Variants in KCTD9 observed in about 807,000 individuals in gnomAD.
KCTD9 encodes BTB/POZ domain-containing protein KCTD9.
Under a neutral mutation model 53.3 loss-of-function variants are expected in KCTD9, and 17 were observed. The observed-to-expected ratio is 0.32, with a 90% CI of 0.22 to 0.48. The LOEUF is 0.48. Among genes scored for constraint, KCTD9 ranks in the 20% least tolerant of loss-of-function variants. KCTD9 has a pLI of 0.99. For missense variants in KCTD9, 179 were observed against 465.5 expected, an observed-to-expected ratio of 0.38 and a Z score of 5.66; for synonymous variants, 128 against 162.7, an observed-to-expected ratio of 0.79 and a Z score of 1.62.
chr8:25,458,057 G>A, intron 1 of KCTD9, 142 bp downstream of exon 1: 1 of 768,906 alleles, frequency 1.3e-6, no homozygotes, highest in Admixed American at 2.5e-5. Context: ...GGGACCCTGT[G>A]CTGTCCCCGA....
At chr8:25,445,579 T>C (rs1362806487) in intron 2 of KCTD9, among the ~76,000 whole-genome samples, 1 of 152,172 alleles carries the variant, frequency 6.6e-6, no homozygotes, top group East Asian at 1.9e-4. Flanking sequence ...CAAAATTCTC[T>C]GACCTCATGA....
rs766690030 is a variant in KCTD9 at position 25,435,353 on chromosome 8, T to C, written c.813+10A>G. The C allele has an allele frequency of 6.4e-7, 1 of 1,553,186 alleles. No homozygotes were observed. Among genetic ancestry groups the C allele is most frequent in the Admixed American group, 2.0e-5 (1 of 50,124 alleles). ...TTTAATTTTCTCTTGTAGCCTAAAA[T>C]GATACTTACGTCAAGCACTGATCCA... On this transcript the variant is annotated intron_variant, in intron 9 of 11. Transcript: ENST00000221200.
intron 1 of KCTD9, 123 bp downstream of exon 1, chr8:25,458,076 A>C: frequency 8.5e-6 from 8 of 939,794 alleles, no homozygotes; most frequent in East Asian, 2.7e-5. Flanking sequence ...GAGCGCCCCC[A>C]GCCCGCGCAC....
chr8:25,436,531 T>G, intron 6 of KCTD9, 46 bp from the exon 7 acceptor site: 1 of 1,129,198 alleles, frequency 8.9e-7, no homozygotes. Flanking sequence ...TTAGTGAATG[T>G]ATTACATTCA....
At position 25,439,345 on chromosome 8, in the gene KCTD9, A is replaced by G. The variant is rs1178065205; in HGVS notation, c.433T>C (p.Phe145Leu). Residue 145 changes from phenylalanine (F) to leucine (L), a missense_variant, in exon 6 of 12, where the codon TTC becomes CTC. Around this residue, in one of 4 missense-constraint regions of KCTD9, gnomAD observed 115 missense variants for 250.9 expected, o/e 0.46. Transcript: ENST00000221200. ...CGCAAGTAGTTCAAAATGGGTTCGA[A>G]GTACTCAGGACTTCGGTCAATTAAG... The part of the protein sequence containing the change: ...AFLIDRSPEY[F>L]EPILNYLRHG... 1 of 1,613,452 alleles carries G rather than the reference A, an allele frequency of 6.2e-7. No individual in the cohort carries two copies. Among genetic ancestry groups the G allele is most frequent in the African/African-American group, 1.3e-5 (1 of 74,930 alleles).
chr8:25,455,557 G>C (rs1285441718), intron 1 of KCTD9, among the ~76,000 whole-genome samples: 1 of 152,190 alleles, frequency 6.6e-6, no homozygotes, highest in Non-Finnish European at 1.5e-5. Flanking sequence ...AGAAGTGGCA[G>C]CTTCTGCCAT....
chr8:25,439,382 A>C lies in KCTD9; in HGVS notation c.396T>G (p.His132Gln), dbSNP rs1267413808. ...DKGVWGNKQD[H>Q]RGAFLIDRSP... is the part of the protein sequence containing the mutation. ...TTCGGTCAATTAAGAAAGCTCCTCTATGATCTTGCTTATTTCCCCAGACAC... is the reference window on the plus strand; with the variant it reads ...TTCGGTCAATTAAGAAAGCTCCTCTCTGATCTTGCTTATTTCCCCAGACAC... The change falls in exon 6 of 12, where the codon CAT becomes CAG. Residue 132 changes from histidine to glutamine, a missense_variant. Around this residue, in one of 4 missense-constraint regions of KCTD9, gnomAD observed 115 missense variants for 250.9 expected, o/e 0.46. Coordinates refer to ENST00000221200, the MANE Select transcript of KCTD9 (RefSeq NM_017634.4). 6.2e-7 allele frequency: 1 copy of C among 1,612,756 alleles called. No individual in the cohort carries two copies. The highest frequency in any genetic ancestry group is 8.5e-7 in the Non-Finnish European group (1 of 1,179,602).
chr8:25,452,401 T>C (rs574118925), intron 1 of KCTD9, among the ~76,000 whole-genome samples: 1 of 152,312 alleles, frequency 6.6e-6, no homozygotes, highest in East Asian at 1.9e-4. Context: ...AAACTGAATA[T>C]TTACATATTC....
intron 1 of KCTD9, among the ~76,000 whole-genome samples, chr8:25,449,072 G>A (rs1398624913): frequency 5.3e-5 from 8 of 152,212 alleles, no homozygotes; most frequent in African/African-American, 9.6e-5. Context: ...CATTGCACAC[G>A]GCAAAGCTGG....
chr8:25,456,001 T>C (rs961445688), intron 1 of KCTD9, among the ~76,000 whole-genome samples: 2 of 152,196 alleles, frequency 1.3e-5, no homozygotes, highest in African/African-American at 4.8e-5. Flanking sequence ...AGAGAATGCA[T>C]AGCCCTCTCT....
chr8:25,448,068 C>T (rs1344017833), intron 1 of KCTD9, among the ~76,000 whole-genome samples: 1 of 151,480 alleles, frequency 6.6e-6, no homozygotes, highest in Non-Finnish European at 1.5e-5. Context: ...TTCAAGGCTG[C>T]AGTGAGCCAA....
chr8:25,447,028 A>G (rs1382078262), intron 1 of KCTD9, among the ~76,000 whole-genome samples: 1 of 152,192 alleles, frequency 6.6e-6, no homozygotes, highest in Non-Finnish European at 1.5e-5. Context: ...CCTAACTGTA[A>G]CTATGGGTTC....
chr8:25,432,837 G>A (rs1346265172), intron 10 of KCTD9, among the ~76,000 whole-genome samples, 200 bp from the exon 11 acceptor site: 1 of 152,128 alleles, frequency 6.6e-6, no homozygotes, highest in African/African-American at 2.4e-5. Flanking sequence ...AAGAAATTTA[G>A]TTCTGTCTTA....
intron 1 of KCTD9, among the ~76,000 whole-genome samples, chr8:25,449,671 CTATTAAAATTAAAAGT>C (rs145506895): frequency 0.054 from 8,250 of 152,130 alleles, 756 homozygotes; most frequent in African/African-American, 0.19. Flanking sequence ...AAATTTTAAT[CTATTAAAATTAAAAGT>C]TAAAATGCAG....
intron 10 of KCTD9, among the ~76,000 whole-genome samples, chr8:25,432,874 C>A (rs1237169168): frequency 1.3e-5 from 2 of 152,092 alleles, no homozygotes; most frequent in East Asian, 3.9e-4. Flanking sequence ...CATAATATGC[C>A]TCTACAGGTT....
intron 1 of KCTD9, among the ~76,000 whole-genome samples, chr8:25,451,707 C>T (rs542232146): frequency 9.2e-5 from 14 of 152,230 alleles, no homozygotes; most frequent in African/African-American, 1.9e-4. Context: ...ATGCCTAGTA[C>T]GATTGGCTAG....
intron 1 of KCTD9, among the ~76,000 whole-genome samples, chr8:25,454,299 A>T (rs1802388578): frequency 6.6e-6 from 1 of 152,372 alleles, no homozygotes; most frequent in East Asian, 1.9e-4. Context: ...CATGTTTGGC[A>T]TGATGCCACA....
chr8:25,441,073 C>T (rs997759015), intron 3 of KCTD9, among the ~76,000 whole-genome samples: 1 of 151,982 alleles, frequency 6.6e-6, no homozygotes, highest in Non-Finnish European at 1.5e-5. Context: ...TGAAAATAAA[C>T]TCTTAAAACC....
At chr8:25,457,403 A>G (rs1802470907) in intron 1 of KCTD9, 1 of 984,278 alleles carries the variant, frequency 1.0e-6, no homozygotes, top group Non-Finnish European at 1.2e-6. Flanking sequence ...AACAACTTTC[A>G]TGGGTGGGGC....
Sources: gnomAD v4.1 joint callset for allele counts (sites outside exome capture counted in the v4.1 genomes callset) on GRCh38, gnomAD v4.1.1 for gene constraint, gnomAD v4.1.1 regional missense constraint, MANE v1.5 for transcripts, NCBI Gene and HGNC (gene_info 2026-07-23, HGNC 2026-07-21) for gene names.